The following ZRANB3 variants were observed in gnomAD, a reference collection of about 807,000 sequenced individuals.
The protein encoded by ZRANB3 is DNA annealing helicase and endonuclease ZRANB3.
ZRANB3 carries 125 observed loss-of-function variants against 133.8 expected under a neutral mutation model. The observed-to-expected ratio is 0.93, with a 90% CI of 0.81 to 1.08. The LOEUF is 1.08. Ranked by LOEUF, ZRANB3 falls within the 50% of genes least tolerant of loss-of-function variation. The probability of loss-of-function intolerance (pLI) is 0.00; values close to 1 mark genes in which losing one functional copy is unlikely to be tolerated. For missense variants in ZRANB3, 1,229 were observed against 1,275.5 expected, an observed-to-expected ratio of 0.96 and a Z score of 0.56; for synonymous variants, 387 against 432.7, an observed-to-expected ratio of 0.89 and a Z score of 1.31.
chr2:135,388,580 T>C (rs1687083555), intron 3 of ZRANB3, among the ~76,000 whole-genome samples: 2 of 152,194 alleles, frequency 1.3e-5, no homozygotes, highest in Non-Finnish European at 1.5e-5. Context: ...GAAAAGAATT[T>C]ATACACATGC....
chr2:135,448,701 A>C (rs1690136409), intron 2 of ZRANB3, among the ~76,000 whole-genome samples: 1 of 152,252 alleles, frequency 6.6e-6, no homozygotes, highest in South Asian at 2.1e-4. Flanking sequence ...CTCAAATGGA[A>C]GCCAGAAGAA....
At chr2:135,231,724 G>T (rs1470684805) in intron 12 of ZRANB3, among the ~76,000 whole-genome samples, 1 of 152,096 alleles carries the variant, frequency 6.6e-6, no homozygotes, top group Non-Finnish European at 1.5e-5. Flanking sequence ...GGAGGTTGAG[G>T]CTACAGTGAG....
At chr2:135,270,524 C>T (rs978972508) in intron 10 of ZRANB3, among the ~76,000 whole-genome samples, 4 of 152,150 alleles carry the variant, frequency 2.6e-5, no homozygotes, top group African/African-American at 4.8e-5. Context: ...GTCTGGCTTT[C>T]TCCTACTTAG....
chr2:135,349,911 A>G, intron 5 of ZRANB3, 73 bp downstream of exon 5: 1 of 1,341,492 alleles, frequency 7.5e-7, no homozygotes, highest in Middle Eastern at 1.8e-4. Flanking sequence ...AAATTGCAAA[A>G]CAGGTGGTTG....
intron 2 of ZRANB3, among the ~76,000 whole-genome samples, chr2:135,443,582 A>C (rs949238109): frequency 6.6e-6 from 1 of 152,232 alleles, no homozygotes; most frequent in Non-Finnish European, 1.5e-5. Flanking sequence ...TTTGTTTAAC[A>C]CAAAAGAATG....
chr2:135,310,659 T>C (rs913565028), intron 8 of ZRANB3, among the ~76,000 whole-genome samples: 12 of 150,096 alleles, frequency 8.0e-5, no homozygotes, highest in African/African-American at 2.9e-4. Flanking sequence ...ATATGTTATA[T>C]GTATTTTTAT....
chr2:135,418,971 T>C (rs1185049815), intron 2 of ZRANB3, among the ~76,000 whole-genome samples: 1 of 131,070 alleles, frequency 7.6e-6, no homozygotes, highest in African/African-American at 3.0e-5. Flanking sequence ...GGAGTCTCGT[T>C]CTGTCACCCA....
chr2:135,403,327 G>T (rs980414863), intron 2 of ZRANB3, among the ~76,000 whole-genome samples: 4 of 152,210 alleles, frequency 2.6e-5, no homozygotes, highest in African/African-American at 9.6e-5. Flanking sequence ...GGCTCGGAGG[G>T]TCCTCCGCCC....
chr2:135,526,186 C>T (rs1390897422), intron 1 of ZRANB3, among the ~76,000 whole-genome samples: 5 of 116,970 alleles, frequency 4.3e-5, no homozygotes, highest in African/African-American at 1.4e-4. Flanking sequence ...TTTTTTGAGA[C>T]GGAGTCTCAC....
intron 4 of ZRANB3, among the ~76,000 whole-genome samples, chr2:135,350,897 C>T (rs1685174684): frequency 6.6e-6 from 1 of 152,164 alleles, no homozygotes; most frequent in African/African-American, 2.4e-5. Context: ...ATAATTCATA[C>T]ATCTGTAATA....
rs148811074 is a variant in ZRANB3 at position 135,427,880 on chromosome 2, G to T, written c.162-37060C>A. On this transcript the variant is annotated intron_variant, in intron 2 of 20. Coordinates refer to ENST00000264159, the MANE Select transcript of ZRANB3 (RefSeq NM_032143.4). ...ATAGACCAATGGAACAGAATAGAAA[G>T]TCCAGAAATAAGGCCTCACACCTGT... 5.4e-3 allele frequency among the ~76,000 whole-genome samples: 822 copies of T among 152,138 alleles called. 6 individuals carry two copies. Among genetic ancestry groups the T allele is most frequent in the African/African-American group, 0.019 (791 of 41,500 alleles).
intron 12 of ZRANB3, among the ~76,000 whole-genome samples, chr2:135,242,215 C>T (rs1695584270): frequency 6.6e-6 from 1 of 151,478 alleles, no homozygotes; most frequent in Non-Finnish European, 1.5e-5. Flanking sequence ...ATTTAGGTAT[C>T]AGAGAACAAT....
intron 1 of ZRANB3, among the ~76,000 whole-genome samples, chr2:135,524,314 T>C (rs953860647): frequency 2.6e-5 from 4 of 152,174 alleles, no homozygotes; most frequent in African/African-American, 9.7e-5. Context: ...ACTCCCGACC[T>C]CAGGTGATCC....
intron 2 of ZRANB3, among the ~76,000 whole-genome samples, chr2:135,455,107 A>T (rs532981224): frequency 1.3e-4 from 19 of 150,982 alleles, no homozygotes; most frequent in African/African-American, 4.6e-4. Context: ...TCTTTATGTC[A>T]ATGACCTGCT....
At chr2:135,260,553 C>T (rs1679904072) in intron 12 of ZRANB3, among the ~76,000 whole-genome samples, 1 of 149,266 alleles carries the variant, frequency 6.7e-6, no homozygotes, top group Non-Finnish European at 1.5e-5. Context: ...AGGTATTATT[C>T]AAATACTTGA....
At chr2:135,269,867 T>C (rs954890719) in intron 10 of ZRANB3, among the ~76,000 whole-genome samples, 2 of 152,238 alleles carry the variant, frequency 1.3e-5, no homozygotes, top group Non-Finnish European at 2.9e-5. Flanking sequence ...TATAGCCATA[T>C]AGCAGTAAAA....
intron 1 of ZRANB3, chr2:135,510,411 A>G (rs1693400319): frequency 5.8e-6 from 2 of 345,836 alleles, no homozygotes. Context: ...AACACACAAA[A>G]GAAGTAAAAT....
At chr2:135,430,049 G>A (rs1436060433) in intron 2 of ZRANB3, among the ~76,000 whole-genome samples, 1 of 151,942 alleles carries the variant, frequency 6.6e-6, no homozygotes, top group African/African-American at 2.4e-5. Flanking sequence ...GGTGTTGCAC[G>A]CCTGTGGTCC....
At chr2:135,232,579 A>T (rs1695083563) in intron 12 of ZRANB3, among the ~76,000 whole-genome samples, 1 of 152,054 alleles carries the variant, frequency 6.6e-6, no homozygotes, top group Admixed American at 6.5e-5. Context: ...ATGGCCAGGT[A>T]CTCCTCTGAG....
Sources: gnomAD v4.1 joint callset for allele counts (sites outside exome capture counted in the v4.1 genomes callset) on GRCh38, gnomAD v4.1.1 for gene constraint, MANE v1.5 for transcripts, NCBI Gene and HGNC (gene_info 2026-07-23, HGNC 2026-07-21) for gene names.